The following MEGF8 variants were observed in gnomAD, a reference collection of about 807,000 sequenced individuals.
MEGF8 encodes multiple EGF like domains 8.
A neutral mutation model predicts 302.9 loss-of-function variants in MEGF8; 156 were observed. The ratio of observed to expected loss-of-function variants is 0.52; its 90% CI spans 0.45 to 0.59. The LOEUF is 0.59. MEGF8 is among the 20% of genes least tolerant of loss of function. The pLI, the probability that MEGF8 is intolerant of heterozygous loss-of-function variation, is 0.00. For synonymous variants in MEGF8, 1,621 were observed against 1,660.5 expected, an observed-to-expected ratio of 0.98 and a Z score of 0.58; for missense variants, 3,345 against 3,964.5, an observed-to-expected ratio of 0.84 and a Z score of 4.20.
intron 12 of MEGF8, among the ~76,000 whole-genome samples, chr19:42,345,844 A>G (rs571330913): frequency 6.6e-6 from 1 of 152,348 alleles, no homozygotes; most frequent in South Asian, 2.1e-4. Flanking sequence ...TGTTAATTCC[A>G]TATTCATCTT....
Position 42,355,765 on chromosome 19 carries a change from C to A in MEGF8, c.4152C>A (p.Leu1384=). Residue 1384 remains leucine, a synonymous_variant, in exon 24 of 42, where the codon CTC becomes CTA. Transcript: ENST00000251268. ...PLTVQALSGL[L]VLHWEANGSS... is the part of the protein sequence containing the mutation. ...TGGCCTCTCTCTTCACAGGGCTGCT[C>A]GTGCTGCACTGGGAGGCCAATGGCT... 6.3e-7 allele frequency: 1 copy of A among 1,578,492 alleles called. No homozygotes were observed. Among genetic ancestry groups the A allele is most frequent in the East Asian group, 2.3e-5 (1 of 43,426 alleles).
Position 42,337,215 on chromosome 19 carries a change from T to G in MEGF8, c.1513+9T>G, listed in dbSNP as rs368063580. The stretch of plus-strand genomic sequence containing the variant: ...GCCAGGAACCCCTGAGGGTGAGTGG[T>G]CCCTGTTCTTCCCTAGGGGCTCCTG... On this transcript the variant is annotated intron_variant, in intron 8 of 41. Transcript: ENST00000251268. 9.3e-6 allele frequency: 15 copies of G among 1,613,044 alleles called. No homozygotes were observed. The African/African-American group carries it at 1.9e-4, about 20-fold the overall frequency.
At chr19:42,372,073 AAAC>A (rs1242361938) in intron 41 of MEGF8, among the ~76,000 whole-genome samples, 72 of 72,220 alleles carry the variant, frequency 1.0e-3, no homozygotes, top group South Asian at 3.6e-3. Flanking sequence ...CAACAACAAC[AAAC>A]ACACACACAC....
chr19:42,351,995 C>T lies in MEGF8; in HGVS notation c.3102-213C>T, dbSNP rs954652522. On this transcript the variant is annotated intron_variant, in intron 18 of 41. Coordinates refer to ENST00000251268, the MANE Select transcript of MEGF8 (RefSeq NM_001271938.2). This position sits in a 1 kb window ranked among gnomAD's most constrained non-coding sequence, Gnocchi z 5.6. The stretch of plus-strand genomic sequence containing the variant: ...TTCTCCTTGTCTGTTTCTGTCTCTC[C>T]GCTCTCCCTTTCACTGCATCTCTGT... 1.3e-5 allele frequency among the ~76,000 whole-genome samples: 2 copies of T among 152,054 alleles called. No individual in the cohort carries two copies. The highest frequency in any genetic ancestry group is 2.4e-5 in the African/African-American group (1 of 41,400).
chr19:42,355,412 ACAGGG>A (rs2039436618), intron 23 of MEGF8, among the ~76,000 whole-genome samples: 2 of 152,188 alleles, frequency 1.3e-5, no homozygotes, highest in African/African-American at 4.8e-5. Context: ...CTTGCTGATT[ACAGGG>A]CCCAATTCAC....
Position 42,376,495 on chromosome 19 carries a change from C to T in MEGF8, c.8258C>T (p.Pro2753Leu), listed in dbSNP as rs747462291. ...PWGPMGGGCC[P>L]PAIPATTAGL... ...GGACCCATGGGAGGGGGCTGCTGCC[C>T]ACCAGCCATCCCCGCCACCACTGCT... is the stretch of plus-strand genomic sequence containing the variant. Residue 2753 changes from proline (P) to leucine (L), a missense_variant, in exon 42 of 42, where the codon CCA (proline) becomes CTA (leucine). Physicochemically the swap from Pro to Leu is moderately conservative, Grantham distance 98. Transcript: ENST00000251268. The surrounding 1 kb of genome is among the most constrained non-coding windows in gnomAD (Gnocchi z 8.2). 2.5e-6 allele frequency: 4 copies of T among 1,584,774 alleles called. 1 individual carries two copies. Among genetic ancestry groups the T allele is most frequent in the South Asian group, 2.3e-5 (2 of 88,246 alleles).
In MEGF8 at chr19:42,361,003, A is replaced by G; in HGVS notation, c.5717A>G (p.His1906Arg). ...GCCTGCTTGTCCGGGGATCAGGCCC[A>G]CAGGTAACCATGGCGACCATGACAG... Reference protein sequence around the residue: ...HGACLSGDQAHRLGCGGSPCS... With the variant: ...HGACLSGDQARRLGCGGSPCS... Residue 1906 changes from histidine to arginine, a missense_variant, in exon 32 of 42, where the codon CAC (histidine) becomes CGC (arginine). Transcript: ENST00000251268. 6.5e-7 allele frequency: 1 copy of G among 1,544,182 alleles called. No homozygotes were observed. Among genetic ancestry groups the G allele is most frequent in the South Asian group, 1.3e-5 (1 of 79,998 alleles).
rs1461931197 is a variant in MEGF8, at chr19:42,361,976, G to T, written c.5721-114G>T. 12 of 1,460,222 alleles carry T rather than the reference G, an allele frequency of 8.2e-6. No individual in the cohort carries two copies. The Admixed American group carries it at 2.5e-4, about 31-fold the overall frequency. The allele number at this position is 1,460,222 out of a possible 1,614,324, so 90.5% of individuals were successfully genotyped here. The stretch of plus-strand genomic sequence containing the variant: ...TGGTGGGGACAGCCAGGCTCAGGAG[G>T]CCTGTGCTATGTCCAGCTTGGGATG... On this transcript the variant is annotated intron_variant, in intron 32 of 41. Transcript: ENST00000251268.
chr19:42,339,564 GT>G (rs1334987206), intron 8 of MEGF8, among the ~76,000 whole-genome samples: 3 of 152,232 alleles, frequency 2.0e-5, no homozygotes, highest in Non-Finnish European at 2.9e-5. Flanking sequence ...TAATGGGGTT[GT>G]TTTTTGCTTG....
intron 23 of MEGF8, among the ~76,000 whole-genome samples, chr19:42,355,166 A>C (rs1057185472): frequency 6.6e-6 from 1 of 152,178 alleles, no homozygotes; most frequent in African/African-American, 2.4e-5. Flanking sequence ...CATGTTGGCC[A>C]GTCTGGTCTT....
In MEGF8 at chr19:42,362,223, G is replaced by A. The variant is rs1471688018; in HGVS notation, c.5844+10G>A. Reference sequence around the variant, plus strand: ...ACCTGGAGATGGAGAGGTGAGTGGTGGGGAAGGCAGGGATGAGAAGCAGCA... The same window carrying A: ...ACCTGGAGATGGAGAGGTGAGTGGTAGGGAAGGCAGGGATGAGAAGCAGCA... On this transcript the variant is annotated intron_variant, in intron 33 of 41. Coordinates refer to ENST00000251268, the MANE Select transcript of MEGF8 (RefSeq NM_001271938.2). 1 of 1,609,942 alleles carries A rather than the reference G, an allele frequency of 6.2e-7. No homozygotes were observed. The highest frequency in any genetic ancestry group is 1.7e-5 in the Admixed American group (1 of 59,592).
At position 42,376,916 on chromosome 19, in the gene MEGF8, C is replaced by A; in HGVS notation, c.*141C>A. On this transcript the variant is annotated 3_prime_UTR_variant, in exon 42 of 42. Transcript: ENST00000251268. The surrounding 1 kb of genome is among the most constrained non-coding windows in gnomAD (Gnocchi z 8.2). ...TTCCCCCAGGGTTGCCCAGATGGGG[C>A]CTCCTTTGTTCTGCATTCAGCAGCT... The A allele has an allele frequency of 3.4e-6, 3 of 887,484 alleles. No individual in the cohort carries two copies. Among genetic ancestry groups the A allele is most frequent in the Non-Finnish European group, 4.7e-6 (3 of 636,056 alleles). The allele number at this position is 887,484 out of a possible 1,614,324, so 55.0% of individuals were successfully genotyped here. A position where few individuals can be genotyped will look rare whatever the true frequency, so the allele number is the denominator to read the frequency against.
Position 42,357,791 on chromosome 19 carries a change from C to T in MEGF8, c.5011+207C>T, listed in dbSNP as rs1182651259. On this transcript the variant is annotated intron_variant, in intron 28 of 41. Coordinates refer to ENST00000251268, the MANE Select transcript of MEGF8 (RefSeq NM_001271938.2). The surrounding 1 kb of genome is among the most constrained non-coding windows in gnomAD (Gnocchi z 5.2). ...CCACAACTAACTGCCCACTCCCGGC[C>T]ACATGTGGCCACCGTCCCCTGCCCC... Among the ~76,000 whole-genome samples, 2 of 152,178 alleles carry T rather than the reference C, an allele frequency of 1.3e-5. No individual in the cohort carries two copies. The highest frequency in any genetic ancestry group is 2.9e-5 in the Non-Finnish European group (2 of 68,018).
At position 42,350,231 on chromosome 19, in the gene MEGF8, G is replaced by T. The variant is rs2039348600; in HGVS notation, c.2583G>T (p.Gln861His). The T allele has an allele frequency of 1.2e-6, 2 of 1,613,106 alleles. No homozygotes were observed. ...CCTGCCTGGGCTGCTTGGCAGACCAGGGCTGTGGCTGGTGCCTGACCAGTG... is the reference window on the plus strand; with the variant it reads ...CCTGCCTGGGCTGCTTGGCAGACCATGGCTGTGGCTGGTGCCTGACCAGTG... ...YSSCLGCLAD[Q>H]GCGWCLTSAT... The change falls in exon 15 of 42, where the codon CAG becomes CAT. Residue 861 changes from glutamine to histidine, a missense_variant. Gln to His is a conservative substitution (Grantham distance 24). Transcript: ENST00000251268.
At position 42,353,199 on chromosome 19, in the gene MEGF8, C is replaced by G. The variant is rs748871526; in HGVS notation, c.3550+72C>G. ...TCCCTTCTTGGGGCTCCAGTTTGCTCTTCTTGGAGGGGGCCTCAGTGTCCT... is the reference window on the plus strand; with the variant it reads ...TCCCTTCTTGGGGCTCCAGTTTGCTGTTCTTGGAGGGGGCCTCAGTGTCCT... On this transcript the variant is annotated intron_variant, in intron 20 of 41. Transcript: ENST00000251268. The surrounding 1 kb of genome is among the most constrained non-coding windows in gnomAD (Gnocchi z 6.1). The G allele has an allele frequency of 7.1e-7, 1 of 1,401,046 alleles. No homozygotes were observed. Among genetic ancestry groups the G allele is most frequent in the Admixed American group, 2.7e-5 (1 of 37,286 alleles). 86.8% of individuals were successfully genotyped at this position (1,401,046 alleles called of 1,614,324 possible). A position where few individuals can be genotyped will look rare whatever the true frequency, so the allele number is the denominator to read the frequency against.
In MEGF8 at chr19:42,351,844, T is replaced by A; in HGVS notation, c.3101+83T>A. On this transcript the variant is annotated intron_variant, in intron 18 of 41. Coordinates refer to ENST00000251268, the MANE Select transcript of MEGF8 (RefSeq NM_001271938.2). This position sits in a 1 kb window ranked among gnomAD's most constrained non-coding sequence, Gnocchi z 5.6. The stretch of plus-strand genomic sequence containing the variant: ...GTCATTCTAATGGCCTCTTTGCTTC[T>A]CTGCCCTCTTGCCCATCCCATGGCC... 1 of 1,197,962 alleles carries A rather than the reference T, an allele frequency of 8.3e-7. No homozygotes were observed. Among genetic ancestry groups the A allele is most frequent in the Non-Finnish European group, 1.2e-6 (1 of 832,668 alleles). 74.2% of individuals were successfully genotyped at this position (1,197,962 alleles called of 1,614,324 possible). A position where few individuals can be genotyped will look rare whatever the true frequency, so the allele number is the denominator to read the frequency against.
At position 42,353,491 on chromosome 19, in the gene MEGF8, C is replaced by T. The variant is rs758179285; in HGVS notation, c.3577C>T (p.Arg1193Ter). 4.3e-6 allele frequency: 7 copies of T among 1,610,824 alleles called. No individual in the cohort carries two copies. Among genetic ancestry groups the T allele is most frequent in the Non-Finnish European group, 5.9e-6 (7 of 1,179,328 alleles). ...CTGGACATGGGGGGAGCACTGCGAA[C>T]GATGCCGGCCCGGCAGCTTCGGCAA... ...QDWTWGEHCE[R>*]CRPGSFGNAT... Residue 1193 changes from arginine to a stop codon, truncating the protein, a stop_gained, in exon 21 of 42, where the codon CGA becomes TGA. Coordinates refer to ENST00000251268, the MANE Select transcript of MEGF8 (RefSeq NM_001271938.2). LOFTEE classifies it high-confidence loss of function. The surrounding 1 kb of genome is among the most constrained non-coding windows in gnomAD (Gnocchi z 6.1).
rs1448482501 is a variant in MEGF8, at chr19:42,362,591, AG to A, written c.6054del (p.Thr2019GlnfsTer24). ...GKCMWTRQFKRTGETRRILSV... is the reference protein window; with the variant it reads ...GKCMWTRQFKXTGETRRILSV... ...GTGCATGTGGACGCGGCAGTTCAAG[AG>A]GACAGGTGAGCAGTGGGCCTAGTTC... On this transcript the variant is annotated frameshift_variant, in exon 34 of 42. Coordinates refer to ENST00000251268, the MANE Select transcript of MEGF8 (RefSeq NM_001271938.2). LOFTEE classifies it high-confidence loss of function. 6.2e-7 allele frequency: 1 copy of A among 1,609,308 alleles called. No homozygotes were observed. Among genetic ancestry groups the A allele is most frequent in the African/African-American group, 1.4e-5 (1 of 73,920 alleles).
At chr19:42,361,304 C>T (rs2039528775) in intron 32 of MEGF8, among the ~76,000 whole-genome samples, 1 of 152,176 alleles carries the variant, frequency 6.6e-6, no homozygotes, top group African/African-American at 2.4e-5. Context: ...AGGGGGTCAG[C>T]TCAGAAAGGG....
Sources: allele counts gnomAD v4.1 joint callset (sites outside exome capture counted in the v4.1 genomes callset), GRCh38; gene constraint gnomAD v4.1.1; non-coding constraint Gnocchi (gnomAD v3.1); transcripts MANE v1.5; gene names NCBI Gene and HGNC (gene_info 2026-07-23, HGNC 2026-07-21).